DIAPH3: variants seen among roughly 807,000 people sequenced by gnomAD.
DIAPH3 encodes protein diaphanous homolog 3.
In DIAPH3, 117 loss-of-function variants were observed where a neutral mutation model predicts 144.3. The observed-to-expected ratio is 0.81, with a 90% CI of 0.70 to 0.95. The LOEUF is 0.95. Among genes scored for constraint, DIAPH3 ranks in the 40% least tolerant of loss-of-function variants. The pLI is 0.00. For synonymous variants in DIAPH3, 519 were observed against 488.9 expected, an observed-to-expected ratio of 1.06 and a Z score of -0.81; for missense variants, 1,421 against 1,412.7, an observed-to-expected ratio of 1.01 and a Z score of -0.09.
chr13:59,713,309 C>T (rs1303458154), intron 27 of DIAPH3, among the ~76,000 whole-genome samples: 2 of 151,818 alleles, frequency 1.3e-5, no homozygotes, highest in African/African-American at 4.8e-5. Context: ...CCTCCCACTT[C>T]AGCCTCTGGA....
intron 27 of DIAPH3, among the ~76,000 whole-genome samples, chr13:59,730,369 G>A (rs549654303): frequency 5.3e-5 from 8 of 152,186 alleles, no homozygotes; most frequent in African/African-American, 1.9e-4. Flanking sequence ...ATCTGGAAGT[G>A]CTTGAAAAAT....
At chr13:59,897,119 T>C (rs750803500) in intron 20 of DIAPH3, among the ~76,000 whole-genome samples, 34 of 151,962 alleles carry the variant, frequency 2.2e-4, no homozygotes, top group Non-Finnish European at 3.8e-4. Flanking sequence ...AAGAAGAGAG[T>C]AGAGGAGAGC....
At chr13:60,002,907 G>A (rs1241952587) in intron 9 of DIAPH3, among the ~76,000 whole-genome samples, 1 of 152,198 alleles carries the variant, frequency 6.6e-6, no homozygotes, top group Non-Finnish European at 1.5e-5. Flanking sequence ...GACAAGAGTA[G>A]ACAGAAGACA....
intron 17 of DIAPH3, among the ~76,000 whole-genome samples, chr13:59,944,678 G>C (rs1192702273): frequency 6.6e-6 from 1 of 151,506 alleles, no homozygotes; most frequent in Non-Finnish European, 1.5e-5. Context: ...GTGTACAATG[G>C]GATTTTTGAT....
intron 5 of DIAPH3, among the ~76,000 whole-genome samples, chr13:60,028,612 T>A (rs1327349908): frequency 6.6e-6 from 1 of 152,056 alleles, no homozygotes; most frequent in Non-Finnish European, 1.5e-5. Flanking sequence ...AGCTTCCTTC[T>A]CCATACAACC....
At chr13:59,955,940 TGAGA>T (rs1253908903) in intron 17 of DIAPH3, among the ~76,000 whole-genome samples, 2 of 151,968 alleles carry the variant, frequency 1.3e-5, no homozygotes, top group Admixed American at 6.5e-5. Flanking sequence ...ACTTTGAAAA[TGAGA>T]GAGATGATTT....
chr13:59,895,155 C>A (rs910369847), intron 20 of DIAPH3, among the ~76,000 whole-genome samples: 1 of 152,020 alleles, frequency 6.6e-6, no homozygotes, highest in Non-Finnish European at 1.5e-5. Flanking sequence ...AAAGGAATTT[C>A]CTAACATATA....
intron 1 of DIAPH3, among the ~76,000 whole-genome samples, chr13:60,152,191 A>T (rs1370820736): frequency 6.6e-6 from 1 of 152,158 alleles, no homozygotes; most frequent in Non-Finnish European, 1.5e-5. Flanking sequence ...CTCACAATTA[A>T]TCTACTCAGG....
rs747429641 is a variant in DIAPH3 at position 60,080,841 on chromosome 13, G to T, written c.495+12787C>A. Among the ~76,000 whole-genome samples, 21 of 151,816 alleles carry T rather than the reference G, an allele frequency of 1.4e-4. 1 individual carries two copies. The highest frequency in any genetic ancestry group is 7.9e-4 in the Admixed American group (12 of 15,210). ...CAAAGTAATACAAGTATCTGCACAA[G>T]GGGTCACACATCACTTTTCACATTA... On this transcript the variant is annotated intron_variant, in intron 4 of 27. Coordinates refer to ENST00000400324, the MANE Select transcript of DIAPH3 (RefSeq NM_001042517.2).
intron 21 of DIAPH3, among the ~76,000 whole-genome samples, chr13:59,876,615 G>A (rs1466508971): frequency 1.3e-5 from 2 of 152,088 alleles, no homozygotes; most frequent in South Asian, 2.1e-4. Flanking sequence ...TATTTATTGA[G>A]TACTTACTAT....
intron 27 of DIAPH3, 24 bp downstream of exon 27, chr13:59,774,165 C>T (rs1593813695): frequency 6.2e-7 from 1 of 1,608,224 alleles, no homozygotes. Context: ...GAAGAATGTG[C>T]AATTTATAAA....
intron 5 of DIAPH3, among the ~76,000 whole-genome samples, chr13:60,022,676 C>T (rs542325359): frequency 2.1e-4 from 32 of 152,290 alleles, no homozygotes; most frequent in African/African-American, 6.7e-4. Flanking sequence ...TGGATCAAGA[C>T]TTTACCCTAC....
At chr13:59,999,479 C>T (rs981926333) in intron 9 of DIAPH3, among the ~76,000 whole-genome samples, 2 of 152,002 alleles carry the variant, frequency 1.3e-5, no homozygotes, top group Non-Finnish European at 2.9e-5. Flanking sequence ...TTTGCAGCAG[C>T]CATAACAATG....
At chr13:59,867,929 C>T (rs537750159) in intron 21 of DIAPH3, among the ~76,000 whole-genome samples, 1 of 151,854 alleles carries the variant, frequency 6.6e-6, no homozygotes, top group Admixed American at 6.6e-5. Flanking sequence ...TTTTTAAATG[C>T]TAAACTCGGA....
chr13:60,013,169 G>C (rs968000301), intron 7 of DIAPH3: 28 of 985,308 alleles, frequency 2.8e-5, no homozygotes, highest in Non-Finnish European at 3.4e-5. Flanking sequence ...GGACAATATG[G>C]TAACTGGCCT....
chr13:59,917,403 T>G (rs1023874193), intron 18 of DIAPH3, among the ~76,000 whole-genome samples: 1 of 152,162 alleles, frequency 6.6e-6, no homozygotes, highest in Non-Finnish European at 1.5e-5. Context: ...TGTATTGAGG[T>G]TGTATTCCTG....
intron 20 of DIAPH3, among the ~76,000 whole-genome samples, chr13:59,884,085 T>C (rs2045273524): frequency 6.6e-6 from 1 of 152,120 alleles, no homozygotes; most frequent in South Asian, 2.1e-4. Flanking sequence ...TGCTCCCTAT[T>C]GCTTGCATTA....
intron 23 of DIAPH3, 56 bp from the exon 24 acceptor site, chr13:59,833,327 G>T: frequency 7.1e-7 from 1 of 1,401,460 alleles, no homozygotes; most frequent in Admixed American, 1.9e-5. Context: ...GGGGGCAGGG[G>T]GAACTCTGTA....
intron 27 of DIAPH3, among the ~76,000 whole-genome samples, chr13:59,745,028 C>T (rs1220833655): frequency 6.6e-6 from 1 of 152,116 alleles, no homozygotes; most frequent in African/African-American, 2.4e-5. Context: ...GACTTGGAAC[C>T]TTTTTTGTTC....
Sources: gnomAD v4.1 joint callset for allele counts (sites outside exome capture counted in the v4.1 genomes callset) on GRCh38, gnomAD v4.1.1 for gene constraint, MANE v1.5 for transcripts, NCBI Gene and HGNC (gene_info 2026-07-23, HGNC 2026-07-21) for gene names.